VAV2: variants seen among roughly 807,000 people sequenced by gnomAD.
VAV2 encodes the protein vav guanine nucleotide exchange factor 2, also known as guanine nucleotide exchange factor VAV2.
In VAV2, 67 loss-of-function variants were observed where a neutral mutation model predicts 132.5. That is an observed-to-expected ratio of 0.51 (90% confidence interval 0.42 to 0.62). VAV2 has a LOEUF of 0.62. VAV2 is among the 20% of genes least tolerant of loss of function. The pLI is 0.00. For missense variants in VAV2, 938 were observed against 1,153.6 expected, an observed-to-expected ratio of 0.81 and a Z score of 2.71; for synonymous variants, 492 against 443.5, an observed-to-expected ratio of 1.11 and a Z score of -1.37.
intron 6 of VAV2, 150 bp from the exon 7 acceptor site, chr9:133,809,288 T>C (rs1835272976): frequency 8.0e-6 from 5 of 622,988 alleles, no homozygotes; most frequent in Middle Eastern, 3.2e-4. Flanking sequence ...TGCAGCCAGA[T>C]GGGTGACAGA....
intron 2 of VAV2, among the ~76,000 whole-genome samples, chr9:133,921,497 G>T (rs1840295785): frequency 6.6e-6 from 1 of 152,166 alleles, no homozygotes; most frequent in Non-Finnish European, 1.5e-5. Context: ...AAAAAAGAAA[G>T]AAAGTTGTGT....
rs1295055251 is a variant in VAV2 at position 133,863,600 on chromosome 9, G to C, written c.322-2168C>G. Among the ~76,000 whole-genome samples the C allele has an allele frequency of 1.3e-5, 2 of 152,198 alleles. No individual in the cohort carries two copies. The highest frequency in any genetic ancestry group is 6.5e-5 in the Admixed American group (1 of 15,294). ...CCAAGCTTGGGGCGCTTTGCCCCAG[G>C]ATGAACGTGTCACGAGCAGCTGATG... On this transcript the variant is annotated intron_variant, in intron 2 of 29. Coordinates refer to ENST00000371850, the MANE Select transcript of VAV2 (RefSeq NM_001134398.2). The surrounding 1 kb of genome is among the most constrained non-coding windows in gnomAD (Gnocchi z 5.0).
chr9:133,820,049 G>A (rs1244726611), intron 4 of VAV2, among the ~76,000 whole-genome samples: 1 of 152,154 alleles, frequency 6.6e-6, no homozygotes, highest in South Asian at 2.1e-4. Flanking sequence ...AATATGTTGG[G>A]TCCTTGGGAC....
chr9:133,988,074 A>G (rs1463595084), intron 1 of VAV2, among the ~76,000 whole-genome samples: 1 of 152,234 alleles, frequency 6.6e-6, no homozygotes, highest in Non-Finnish European at 1.5e-5. Flanking sequence ...GGATGTCACC[A>G]TGAGAAGCCA....
intron 2 of VAV2, among the ~76,000 whole-genome samples, chr9:133,893,099 G>C (rs1374726706): frequency 1.3e-5 from 2 of 152,166 alleles, no homozygotes; most frequent in East Asian, 3.8e-4. Context: ...CACGGTCCAA[G>C]ATCTATGGCT....
chr9:133,901,082 G>A (rs1445544520), intron 2 of VAV2, among the ~76,000 whole-genome samples: 5 of 152,022 alleles, frequency 3.3e-5, no homozygotes, highest in Non-Finnish European at 5.9e-5. Flanking sequence ...TCATAGGCAT[G>A]AGCCACCGTG....
chr9:133,846,699 C>A (rs986062371), intron 3 of VAV2, among the ~76,000 whole-genome samples: 9 of 152,228 alleles, frequency 5.9e-5, no homozygotes, highest in South Asian at 4.1e-4. Context: ...GGCGCACAGA[C>A]CACTGCATCT....
chr9:133,778,194 G>A (rs903110992), intron 22 of VAV2, among the ~76,000 whole-genome samples: 32 of 81,724 alleles, frequency 3.9e-4, no homozygotes, highest in Admixed American at 3.5e-3. Flanking sequence ...AAAGGTCCCC[G>A]GGATGAACGC....
chr9:133,956,413 C>T (rs529391960), intron 1 of VAV2, among the ~76,000 whole-genome samples: 4 of 152,250 alleles, frequency 2.6e-5, no homozygotes, highest in African/African-American at 9.6e-5. Flanking sequence ...GAAAGGGTGT[C>T]TAGGGTACTC....
At chr9:133,812,353 A>G in intron 4 of VAV2, 137 bp from the exon 5 acceptor site, 3 of 770,444 alleles carry the variant, frequency 3.9e-6, no homozygotes, top group Admixed American at 2.1e-5. Flanking sequence ...CTCAGTCTAC[A>G]AAGTGGGGTG....
intron 1 of VAV2, among the ~76,000 whole-genome samples, chr9:133,944,244 T>C (rs1001463740): frequency 1.3e-5 from 2 of 150,956 alleles, no homozygotes; most frequent in African/African-American, 4.9e-5. Context: ...ATGTGGGCCC[T>C]TCCACTGCCC....
chr9:133,874,293 T>C (rs563289920), intron 2 of VAV2, among the ~76,000 whole-genome samples: 28 of 152,328 alleles, frequency 1.8e-4, no homozygotes, highest in African/African-American at 6.7e-4. Context: ...TGCTGCTCTC[T>C]CATTCCCAGA....
chr9:133,822,239 T>C (rs1202756487), intron 4 of VAV2, among the ~76,000 whole-genome samples: 1 of 152,216 alleles, frequency 6.6e-6, no homozygotes, highest in Non-Finnish European at 1.5e-5. Flanking sequence ...AAAATAGTGT[T>C]GCTGACAGGC....
chr9:133,794,494 C>T lies in VAV2; in HGVS notation c.1101+1174G>A, dbSNP rs1039218621. The stretch of plus-strand genomic sequence containing the variant: ...GGCGGCCAAGCACTGGCCCCACTCC[C>T]GTCCCAGCCCAACAGCAGCTATAGA... On this transcript the variant is annotated intron_variant, in intron 12 of 29. Transcript: ENST00000371850. This position sits in a 1 kb window ranked among gnomAD's most constrained non-coding sequence, Gnocchi z 4.6. 6.6e-6 allele frequency among the ~76,000 whole-genome samples: 1 copy of T among 152,218 alleles called. No individual in the cohort carries two copies. Among genetic ancestry groups the T allele is most frequent in the Non-Finnish European group, 1.5e-5 (1 of 68,044 alleles).
At chr9:133,913,970 G>C (rs1839969937) in intron 2 of VAV2, among the ~76,000 whole-genome samples, 1 of 152,210 alleles carries the variant, frequency 6.6e-6, no homozygotes, top group South Asian at 2.1e-4. Flanking sequence ...CTCTTCGAAG[G>C]GGTTTCTGTT....
intron 1 of VAV2, among the ~76,000 whole-genome samples, chr9:133,972,370 C>G (rs937668052): frequency 6.6e-6 from 1 of 152,200 alleles, no homozygotes; most frequent in Non-Finnish European, 1.5e-5. Flanking sequence ...CCAGGCGCTG[C>G]GATGCTGGGG....
chr9:133,916,885 G>C (rs1840110676), intron 2 of VAV2, among the ~76,000 whole-genome samples: 1 of 152,140 alleles, frequency 6.6e-6, no homozygotes, highest in Non-Finnish European at 1.5e-5. Context: ...TTGTCTGTGT[G>C]ACCCATGGCC....
In VAV2 at chr9:133,762,460, G is replaced by C. The variant is rs1463968209; in HGVS notation, c.*1602C>G. ...CAAAACCAAAACACAAGACCTTTCTGACGACAGTAAACACAGGGGCTGCTG... is the reference window on the plus strand; with the variant it reads ...CAAAACCAAAACACAAGACCTTTCTCACGACAGTAAACACAGGGGCTGCTG... On this transcript the variant is annotated 3_prime_UTR_variant, in exon 30 of 30. Transcript: ENST00000371850. This position sits in a 1 kb window ranked among gnomAD's most constrained non-coding sequence, Gnocchi z 5.0. The C allele has an allele frequency of 6.6e-6, 1 of 152,276 alleles. No homozygotes were observed. The highest frequency in any genetic ancestry group is 1.5e-5 in the Non-Finnish European group (1 of 68,062). The allele number at this position is 152,276 out of a possible 1,614,324, so 9.4% of individuals were successfully genotyped here.
chr9:133,783,201 G>A (rs1420939355), intron 19 of VAV2, among the ~76,000 whole-genome samples: 1 of 152,218 alleles, frequency 6.6e-6, no homozygotes, highest in African/African-American at 2.4e-5. Flanking sequence ...CCGTGTTTGG[G>A]GGTGGAGATT....
Sources: gnomAD v4.1 joint callset for allele counts (sites outside exome capture counted in the v4.1 genomes callset) on GRCh38, gnomAD v4.1.1 for gene constraint, Gnocchi (gnomAD v3.1) non-coding constraint, MANE v1.5 for transcripts, NCBI Gene and HGNC (gene_info 2026-07-23, HGNC 2026-07-21) for gene names.